LRRC75A: variants seen among roughly 807,000 people sequenced by gnomAD.
LRRC75A encodes the protein leucine rich repeat containing 75A, also known as leucine-rich repeat-containing protein 75A.
LRRC75A carries 12 observed loss-of-function variants against 26.0 expected under a neutral mutation model. The observed-to-expected ratio is 0.46, with a 90% CI of 0.30 to 0.75. LRRC75A has a LOEUF of 0.75. Among genes scored for constraint, LRRC75A ranks in the 30% least tolerant of loss-of-function variants. The pLI is 0.08. For synonymous variants in LRRC75A, 223 were observed against 219.3 expected (o/e 1.02, Z -0.15); for missense variants, 410 against 486.6 (o/e 0.84, Z 1.48).
chr17:16,454,753 CAA>C (rs542545491), intron 2 of LRRC75A, among the ~76,000 whole-genome samples: 2 of 151,536 alleles, frequency 1.3e-5, no homozygotes, highest in Non-Finnish European at 2.9e-5. Context: ...ACCAAAAAAA[CAA>C]AAAAACCTCT....
At chr17:16,454,607 C>T (rs916597678) in intron 2 of LRRC75A, among the ~76,000 whole-genome samples, 1 of 152,076 alleles carries the variant, frequency 6.6e-6, no homozygotes, top group Non-Finnish European at 1.5e-5. Flanking sequence ...AGGAGAATCG[C>T]GTGAACCCAG....
Position 16,473,152 on chromosome 17 carries a change from C to T in LRRC75A, c.247-10766G>A, listed in dbSNP as rs55968876. Reference sequence around the variant, plus strand: ...GTCTGTGTGTGTGTGTGTGTGTGTGCGCGCGCGCCCCAAGAATAACTAATG... The same window carrying T: ...GTCTGTGTGTGTGTGTGTGTGTGTGTGCGCGCGCCCCAAGAATAACTAATG... On this transcript the variant is annotated intron_variant, in intron 1 of 3. Coordinates refer to ENST00000470794, the MANE Select transcript of LRRC75A (RefSeq NM_001113567.3). 8.0e-3 allele frequency among the ~76,000 whole-genome samples: 1,172 copies of T among 146,122 alleles called. 9 individuals carry two copies. Among genetic ancestry groups the T allele is most frequent in the Non-Finnish European group, 0.013 (896 of 67,092 alleles).
At chr17:16,450,271 C>T (rs2093620423) in intron 2 of LRRC75A, among the ~76,000 whole-genome samples, 1 of 152,156 alleles carries the variant, frequency 6.6e-6, no homozygotes, top group Admixed American at 6.5e-5. Context: ...GAGAAGGAGA[C>T]TCTGAGGAAG....
In LRRC75A at chr17:16,442,375, C is replaced by T. The variant is rs534249777; in HGVS notation, c.*1213G>A. The T allele has an allele frequency of 6.6e-6, 1 of 152,296 alleles. No homozygotes were observed. The highest frequency in any genetic ancestry group is 2.4e-5 in the African/African-American group (1 of 41,462). 9.4% of individuals were successfully genotyped at this position (152,296 alleles called of 1,614,324 possible). On this transcript the variant is annotated 3_prime_UTR_variant, in exon 4 of 4. Transcript: ENST00000470794. ...AAGGCCTGTCAAGAGGGTCCTCCCC[C>T]ATACTGTTTGCCCACAAGGTTCAAG...
At chr17:16,454,944 T>A (rs900836324) in intron 2 of LRRC75A, among the ~76,000 whole-genome samples, 2 of 151,260 alleles carry the variant, frequency 1.3e-5, no homozygotes, top group South Asian at 4.2e-4. Flanking sequence ...TTTTTTTTTT[T>A]AGTGACGGAG....
At chr17:16,449,193 G>A (rs1366318305) in intron 2 of LRRC75A, among the ~76,000 whole-genome samples, 1 of 152,226 alleles carries the variant, frequency 6.6e-6, no homozygotes, top group Non-Finnish European at 1.5e-5. Flanking sequence ...ACCACGCACA[G>A]TGCTCAGCAT....
chr17:16,452,169 T>TAGGGCAATAC lies in LRRC75A; in HGVS notation c.376-4210_376-4209insGTATTGCCCT, dbSNP rs1366574121. 1.9e-3 allele frequency among the ~76,000 whole-genome samples: 220 copies of TAGGGCAATAC among 115,162 alleles called. 1 individual carries two copies. The highest frequency in any genetic ancestry group is 6.7e-3 in the African/African-American group (196 of 29,456). 75.6% of individuals were successfully genotyped at this position (115,162 alleles called of 152,430 possible). A position where few individuals can be genotyped will look rare whatever the true frequency, so the allele number is the denominator to read the frequency against. On this transcript the variant is annotated intron_variant, in intron 2 of 3. Transcript: ENST00000470794. ...GAGTTCAAGACTACCCTGGGCAATATAGTGAGACTTGCTCTCAAAAAAAAA... is the reference window on the plus strand; with the variant it reads ...GAGTTCAAGACTACCCTGGGCAATATAGGGCAATACAGTGAGACTTGCTCTCAAAAAAAAA...
Position 16,443,583 on chromosome 17 carries a change from C to A in LRRC75A, c.*5G>T. 1 of 1,511,008 alleles carries A rather than the reference C, an allele frequency of 6.6e-7. No homozygotes were observed. The highest frequency in any genetic ancestry group is 8.9e-7 in the Non-Finnish European group (1 of 1,120,882). 93.6% of individuals were successfully genotyped at this position (1,511,008 alleles called of 1,614,324 possible). A position where few individuals can be genotyped will look rare whatever the true frequency, so the allele number is the denominator to read the frequency against. On this transcript the variant is annotated 3_prime_UTR_variant, in exon 4 of 4. Coordinates refer to ENST00000470794, the MANE Select transcript of LRRC75A (RefSeq NM_001113567.3). ...GACTCCCTGGTGAGGCCCTTCACTT[C>A]CATGTCACGTCTGAGCTGCAGCTAC...
chr17:16,483,371 C>A (rs1018078958), intron 1 of LRRC75A, among the ~76,000 whole-genome samples: 1 of 152,226 alleles, frequency 6.6e-6, no homozygotes, highest in Non-Finnish European at 1.5e-5. Context: ...AGGTTGGCCT[C>A]GGCAGTATGG....
At chr17:16,444,202 G>A (rs1374512635) in intron 3 of LRRC75A, 71 bp from the exon 4 acceptor site, 34 of 1,281,622 alleles carry the variant, frequency 2.7e-5, no homozygotes, top group Non-Finnish European at 2.9e-5. Context: ...TGCAGTGCCA[G>A]CCTCTGCTCG....
intron 1 of LRRC75A, chr17:16,470,386 C>G (rs2093801186): frequency 6.6e-6 from 1 of 152,160 alleles, no homozygotes; most frequent in Admixed American, 6.5e-5. Context: ...AAGGTAGATG[C>G]TTCAATATCG....
chr17:16,486,937 A>G (rs1006714379), intron 1 of LRRC75A, among the ~76,000 whole-genome samples: 12 of 152,220 alleles, frequency 7.9e-5, no homozygotes, highest in African/African-American at 2.9e-4. Flanking sequence ...GCGTACGCAC[A>G]TCTTCACGGC....
At chr17:16,464,186 G>A (rs1334409668) in intron 1 of LRRC75A, among the ~76,000 whole-genome samples, 10 of 152,194 alleles carry the variant, frequency 6.6e-5, no homozygotes, top group African/African-American at 2.2e-4. Context: ...CCTTGGAGGC[G>A]AACTGCCAGG....
chr17:16,471,798 A>C (rs4792752), intron 1 of LRRC75A, among the ~76,000 whole-genome samples: 87,238 of 152,112 alleles, frequency 0.57, 26,851 homozygotes, highest in East Asian at 0.85. Flanking sequence ...ATAAGCTCGG[A>C]ACGAGAGGAC....
intron 1 of LRRC75A, among the ~76,000 whole-genome samples, chr17:16,485,679 T>TGTTC (rs1568988021): frequency 2.2e-5 from 3 of 138,328 alleles, no homozygotes; most frequent in African/African-American, 8.8e-5. Context: ...TTCGTGTGTG[T>TGTTC]GTGTGTGTGT....
intron 1 of LRRC75A, among the ~76,000 whole-genome samples, chr17:16,476,216 A>T (rs183607016): frequency 9.8e-4 from 148 of 150,748 alleles, no homozygotes; most frequent in African/African-American, 3.1e-3. Flanking sequence ...ATAATAATAA[A>T]AATTAGCTGG....
rs2093857919 is a variant in LRRC75A, at chr17:16,491,757, C to T, written c.234G>A (p.Gln78=). 9.2e-6 allele frequency: 13 copies of T among 1,418,958 alleles called. No individual in the cohort carries two copies. Among genetic ancestry groups the T allele is most frequent in the East Asian group, 6.5e-5 (2 of 30,910 alleles). 87.9% of individuals were successfully genotyped at this position (1,418,958 alleles called of 1,614,324 possible). ...TCCCCGCGCTCACCTGGCGCAGGTG[C>T]TGCAGCAGCGTCCCCGCCTCCTCCC... ...GRREEAGTLL[Q]HLRQDLGMES... Residue 78 remains glutamine, a synonymous_variant, in exon 1 of 4, where the codon CAG becomes CAA. Transcript: ENST00000470794. This position sits in a 1 kb window ranked among gnomAD's most constrained non-coding sequence, Gnocchi z 5.9.
At position 16,462,476 on chromosome 17, in the gene LRRC75A, A is replaced by G. The variant is rs1260529822; in HGVS notation, c.247-90T>C. On this transcript the variant is annotated intron_variant, in intron 1 of 3. Coordinates refer to ENST00000470794, the MANE Select transcript of LRRC75A (RefSeq NM_001113567.3). This position sits in a 1 kb window ranked among gnomAD's most constrained non-coding sequence, Gnocchi z 4.6. ...AAGAGAAGTAGGCACAGACCCCTAG[A>G]GGCGACTCTGCCTCCCAGAGCCCCG... 6.5e-7 allele frequency: 1 copy of G among 1,547,592 alleles called. No individual in the cohort carries two copies. The highest frequency in any genetic ancestry group is 1.4e-5 in the African/African-American group (1 of 73,342).
chr17:16,442,418 C>T lies in LRRC75A; in HGVS notation c.*1170G>A, dbSNP rs1328422265. 1 of 152,326 alleles carries T rather than the reference C, an allele frequency of 6.6e-6. No individual in the cohort carries two copies. Among genetic ancestry groups the T allele is most frequent in the Non-Finnish European group, 1.5e-5 (1 of 68,104 alleles). 9.4% of individuals were successfully genotyped at this position (152,326 alleles called of 1,614,324 possible). A position where few individuals can be genotyped will look rare whatever the true frequency, so the allele number is the denominator to read the frequency against. On this transcript the variant is annotated 3_prime_UTR_variant, in exon 4 of 4. Transcript: ENST00000470794. ...GGTTCAAGAGTGATTGGCTCCCAGT[C>T]TTCCTGGACTGAACTACTTGGATCT...
Sources: gnomAD v4.1 joint callset for allele counts (sites outside exome capture counted in the v4.1 genomes callset) on GRCh38, gnomAD v4.1.1 for gene constraint, Gnocchi (gnomAD v3.1) non-coding constraint, MANE v1.5 for transcripts, NCBI Gene and HGNC (gene_info 2026-07-23, HGNC 2026-07-21) for gene names.